The following FTO variants were observed in gnomAD, a reference collection of about 807,000 sequenced individuals.
The protein encoded by FTO is FTO alpha-ketoglutarate dependent dioxygenase, also known as alpha-ketoglutarate-dependent dioxygenase FTO.
FTO carries 47 observed loss-of-function variants against 63.9 expected under a neutral mutation model. The observed-to-expected ratio is 0.74, with a 90% CI of 0.58 to 0.94. FTO has a LOEUF of 0.94. Among genes scored for constraint, FTO ranks in the 40% least tolerant of loss-of-function variants. FTO has a pLI of 0.00. For missense variants in FTO, 562 were observed against 618.1 expected (o/e 0.91, Z 0.96); for synonymous variants, 207 against 224.4 (o/e 0.92, Z 0.69).
chr16:53,865,411 T>C (rs1191564313), intron 4 of FTO, among the ~76,000 whole-genome samples: 1 of 152,232 alleles, frequency 6.6e-6, no homozygotes, highest in East Asian at 1.9e-4. Context: ...GTTGTGTTTA[T>C]ATTTGGATTT....
chr16:53,808,844 T>C (rs1390664829), intron 1 of FTO, among the ~76,000 whole-genome samples: 1 of 152,236 alleles, frequency 6.6e-6, no homozygotes, highest in East Asian at 1.9e-4. Flanking sequence ...GACAGTAGCT[T>C]TGGTGATGCA....
At chr16:53,817,526 T>G (rs75870206) in intron 2 of FTO, among the ~76,000 whole-genome samples, 2,490 of 152,330 alleles carry the variant, frequency 0.016, 59 homozygotes, top group African/African-American at 0.054. Context: ...ATCAGAATAT[T>G]CTAGTACTTC....
intron 7 of FTO, among the ~76,000 whole-genome samples, chr16:53,892,671 C>A (rs533627796): frequency 6.6e-6 from 1 of 152,046 alleles, no homozygotes; most frequent in Non-Finnish European, 1.5e-5. Flanking sequence ...AAAATAACAT[C>A]GATCTCTTTT....
chr16:54,008,524 A>G (rs2084262800), intron 8 of FTO: 1 of 152,050 alleles, frequency 6.6e-6, no homozygotes, highest in Non-Finnish European at 1.5e-5. Flanking sequence ...TGCAGGTGAT[A>G]AACATTGTCT....
intron 3 of FTO, among the ~76,000 whole-genome samples, chr16:53,830,856 A>G (rs1053598154): frequency 6.6e-5 from 10 of 152,274 alleles, no homozygotes; most frequent in African/African-American, 2.2e-4. Flanking sequence ...AGATTGCGCC[A>G]CTGTACTCCA....
At chr16:54,018,391 T>TAGAC (rs1281404983) in intron 8 of FTO, among the ~76,000 whole-genome samples, 1 of 39,320 alleles carries the variant, frequency 2.5e-5, no homozygotes, top group Non-Finnish European at 3.9e-5. Context: ...AGATGATAGA[T>TAGAC]AGATAGATAG....
intron 2 of FTO, among the ~76,000 whole-genome samples, chr16:53,813,251 GC>G (rs1313734949): frequency 1.4e-5 from 2 of 147,998 alleles, no homozygotes; most frequent in Admixed American, 6.8e-5. Context: ...TCACTCTGTT[GC>G]CCAGGCTGGA....
intron 8 of FTO, among the ~76,000 whole-genome samples, chr16:54,011,696 TAAA>T (rs1384687011): frequency 6.6e-6 from 1 of 152,000 alleles, no homozygotes; most frequent in Non-Finnish European, 1.5e-5. Context: ...TTTATTAAGA[TAAA>T]AAACAAAAGA....
intron 4 of FTO, among the ~76,000 whole-genome samples, chr16:53,859,479 A>C (rs1236206750): frequency 6.7e-6 from 1 of 149,628 alleles, no homozygotes; most frequent in East Asian, 1.9e-4. Flanking sequence ...TATCAATGAT[A>C]TATATATTTC....
chr16:53,746,977 T>C (rs1488390716), intron 1 of FTO, among the ~76,000 whole-genome samples: 1 of 152,250 alleles, frequency 6.6e-6, no homozygotes, highest in African/African-American at 2.4e-5. Context: ...ACCTGGCTTA[T>C]TTCACTTAGC....
chr16:53,763,546 G>T (rs559130834), intron 1 of FTO, among the ~76,000 whole-genome samples: 2 of 152,106 alleles, frequency 1.3e-5, no homozygotes, highest in Non-Finnish European at 2.9e-5. Context: ...AGAGGCTTTA[G>T]TCTCCTTTGA....
At chr16:53,839,869 A>G (rs1226361084) in intron 3 of FTO, among the ~76,000 whole-genome samples, 4 of 151,324 alleles carry the variant, frequency 2.6e-5, no homozygotes, top group African/African-American at 9.7e-5. Flanking sequence ...CAGTGGCGCG[A>G]TCTCGGCTCA....
At chr16:53,720,226 T>C (rs943847747) in intron 1 of FTO, among the ~76,000 whole-genome samples, 3 of 152,148 alleles carry the variant, frequency 2.0e-5, no homozygotes, top group African/African-American at 4.8e-5. Flanking sequence ...CGTATTACCT[T>C]GTATGAGTCC....
chr16:53,996,841 G>A (rs1206529286), intron 8 of FTO, among the ~76,000 whole-genome samples: 1 of 152,068 alleles, frequency 6.6e-6, no homozygotes, highest in African/African-American at 2.4e-5. Flanking sequence ...GGGCACGGGG[G>A]CTCACACCTG....
In FTO at chr16:54,115,710, C is replaced by A. The variant is rs1159373379; in HGVS notation, c.*3795C>A. On this transcript the variant is annotated 3_prime_UTR_variant, in exon 9 of 9. Coordinates refer to ENST00000471389, the MANE Select transcript of FTO (RefSeq NM_001080432.3). ...TAGGGCAGAGCAGACGGGAGCCGCTCGGGTTTTATTCCACACACCCCAGGA... is the reference window on the plus strand; with the variant it reads ...TAGGGCAGAGCAGACGGGAGCCGCTAGGGTTTTATTCCACACACCCCAGGA... The A allele has an allele frequency of 2.0e-5, 3 of 152,160 alleles. No homozygotes were observed. The highest frequency in any genetic ancestry group is 3.9e-4 in the East Asian group (2 of 5,156). The allele number at this position is 152,160 out of a possible 1,614,324, so 9.4% of individuals were successfully genotyped here.
chr16:54,000,169 G>A (rs1479597662), intron 8 of FTO, among the ~76,000 whole-genome samples: 4 of 152,076 alleles, frequency 2.6e-5, no homozygotes, highest in Admixed American at 2.6e-4. Flanking sequence ...TCTTTCTCCT[G>A]TTTGGTTGCA....
chr16:53,816,271 T>C (rs1304878225), intron 2 of FTO, among the ~76,000 whole-genome samples: 5 of 152,204 alleles, frequency 3.3e-5, no homozygotes, highest in African/African-American at 7.2e-5. Context: ...ACTGCCATCA[T>C]CTCTGTTGCA....
At chr16:54,094,361 C>T (rs987079121) in intron 8 of FTO, among the ~76,000 whole-genome samples, 1 of 152,192 alleles carries the variant, frequency 6.6e-6, no homozygotes, top group Non-Finnish European at 1.5e-5. Flanking sequence ...CTAGCAGCAC[C>T]GCAAAAACTT....
At chr16:53,822,753 A>G (rs928949455) in intron 2 of FTO, among the ~76,000 whole-genome samples, 1 of 152,070 alleles carries the variant, frequency 6.6e-6, no homozygotes, top group Non-Finnish European at 1.5e-5. Flanking sequence ...CTTTCATTTT[A>G]TATTAAAAAT....
Sources: gnomAD v4.1 joint callset for allele counts (sites outside exome capture counted in the v4.1 genomes callset) on GRCh38, gnomAD v4.1.1 for gene constraint, MANE v1.5 for transcripts, NCBI Gene and HGNC (gene_info 2026-07-23, HGNC 2026-07-21) for gene names.